Variants in INPP4B observed in about 807,000 individuals in gnomAD.
INPP4B encodes inositol polyphosphate-4-phosphatase type II B, also known as inositol polyphosphate 4-phosphatase type II.
In INPP4B, 55 loss-of-function variants were observed where a neutral mutation model predicts 122.5. The ratio of observed to expected loss-of-function variants is 0.45; its 90% CI spans 0.36 to 0.56. The LOEUF (loss-of-function observed/expected upper bound fraction) is 0.56. Among genes scored for constraint, INPP4B ranks in the 20% least tolerant of loss-of-function variants. The probability of loss-of-function intolerance (pLI) is 0.00; values close to 1 mark genes in which losing one functional copy is unlikely to be tolerated. For synonymous variants in INPP4B, 403 were observed against 388.7 expected (o/e 1.04, Z -0.43); for missense variants, 1,000 against 1,097.7 (o/e 0.91, Z 1.26).
At chr4:142,278,087 T>C (rs145808751) in intron 9 of INPP4B, among the ~76,000 whole-genome samples, 102 of 152,024 alleles carry the variant, frequency 6.7e-4, no homozygotes, top group African/African-American at 1.9e-3. Flanking sequence ...ATGGCCATCA[T>C]GATCTGCCCA....
intron 10 of INPP4B, among the ~76,000 whole-genome samples, chr4:142,268,545 T>TATCTG (rs1744148002): frequency 6.6e-6 from 1 of 151,864 alleles, no homozygotes; most frequent in African/African-American, 2.4e-5. Context: ...GCCAAAGAGA[T>TATCTG]ATCTGCACTC....
chr4:142,661,110 G>A (rs1256713172), intron 2 of INPP4B, among the ~76,000 whole-genome samples: 1 of 152,062 alleles, frequency 6.6e-6, no homozygotes, highest in Non-Finnish European at 1.5e-5. Flanking sequence ...TGTGGACCTG[G>A]GATTCAAACG....
chr4:142,348,970 T>C (rs1230584373), intron 7 of INPP4B, among the ~76,000 whole-genome samples: 1 of 151,714 alleles, frequency 6.6e-6, no homozygotes, highest in Non-Finnish European at 1.5e-5. Context: ...TGAGGAAGAG[T>C]GTTGGAGCAG....
chr4:142,093,823 T>G (rs1780640615), intron 23 of INPP4B, among the ~76,000 whole-genome samples: 1 of 152,174 alleles, frequency 6.6e-6, no homozygotes, highest in South Asian at 2.1e-4. Context: ...CTGCGTTGAA[T>G]ATTTTTGACA....
intron 23 of INPP4B, among the ~76,000 whole-genome samples, chr4:142,095,391 T>G (rs531527364): frequency 3.3e-5 from 5 of 152,172 alleles, no homozygotes; most frequent in African/African-American, 9.7e-5. Flanking sequence ...AATTTGTTAA[T>G]TGTCTTTAAT....
chr4:142,548,442 T>A (rs1727146666), intron 2 of INPP4B, among the ~76,000 whole-genome samples: 1 of 152,114 alleles, frequency 6.6e-6, no homozygotes, highest in Admixed American at 6.6e-5. Flanking sequence ...ATATATAAAT[T>A]CCTAGAAGAG....
intron 25 of INPP4B, among the ~76,000 whole-genome samples, chr4:142,038,786 C>T (rs965354759): frequency 1.7e-4 from 26 of 152,120 alleles, no homozygotes; most frequent in African/African-American, 5.6e-4. Flanking sequence ...TGGAAAGGAG[C>T]GCAAGTGTGT....
chr4:142,555,075 C>T (rs1728852937), intron 2 of INPP4B, among the ~76,000 whole-genome samples: 2 of 152,138 alleles, frequency 1.3e-5, no homozygotes, highest in Admixed American at 1.3e-4. Context: ...TGAGGAGAAT[C>T]CAACACATCC....
At chr4:142,487,064 T>A (rs1009089825) in intron 2 of INPP4B, among the ~76,000 whole-genome samples, 2 of 152,020 alleles carry the variant, frequency 1.3e-5, no homozygotes, top group Non-Finnish European at 2.9e-5. Context: ...CGGGGGTGGG[T>A]CTTTCCTGTG....
At chr4:142,200,114 T>G (rs1463059447) in intron 14 of INPP4B, among the ~76,000 whole-genome samples, 1 of 152,042 alleles carries the variant, frequency 6.6e-6, no homozygotes, top group African/African-American at 2.4e-5. Flanking sequence ...CATTTACTTA[T>G]TCAGTCATCT....
chr4:142,123,219 C>T, intron 20 of INPP4B, 73 bp downstream of exon 20: 1 of 1,272,190 alleles, frequency 7.9e-7, no homozygotes, highest in East Asian at 2.6e-5. Flanking sequence ...TTTATGTTTT[C>T]TTGAAAAATT....
intron 2 of INPP4B, among the ~76,000 whole-genome samples, chr4:142,647,197 T>A (rs1751965525): frequency 6.6e-6 from 1 of 152,142 alleles, no homozygotes; most frequent in Non-Finnish European, 1.5e-5. Flanking sequence ...GCTGAAGCAG[T>A]TGACCATATT....
chr4:142,441,122 G>A (rs116022486), intron 3 of INPP4B, among the ~76,000 whole-genome samples: 2,518 of 152,254 alleles, frequency 0.017, 70 homozygotes, highest in African/African-American at 0.058. Flanking sequence ...ACTTAAGCAA[G>A]AGAGTGACAT....
At chr4:142,167,717 T>A (rs2152929762) in intron 16 of INPP4B, among the ~76,000 whole-genome samples, 1 of 151,818 alleles carries the variant, frequency 6.6e-6, no homozygotes, top group Non-Finnish European at 1.5e-5. Flanking sequence ...AATACATTGG[T>A]ATTATTTTTA....
At chr4:142,029,101 T>C (rs1738126982) in intron 25 of INPP4B, 187 bp from the exon 26 acceptor site, 5 of 1,330,826 alleles carry the variant, frequency 3.8e-6, no homozygotes, top group Non-Finnish European at 4.8e-6. Flanking sequence ...AATACCATTA[T>C]TGCCCTCTGA....
At chr4:142,084,578 A>G (rs1775813924) in intron 24 of INPP4B, among the ~76,000 whole-genome samples, 1 of 152,212 alleles carries the variant, frequency 6.6e-6, no homozygotes, top group Non-Finnish European at 1.5e-5. Context: ...AGTATCATAA[A>G]TAGGCCCATG....
At chr4:142,062,606 C>A (rs767654545) in intron 25 of INPP4B, among the ~76,000 whole-genome samples, 2 of 151,722 alleles carry the variant, frequency 1.3e-5, no homozygotes, top group African/African-American at 2.4e-5. Flanking sequence ...CATGGCGGTG[C>A]GCACCTGTAG....
chr4:142,630,968 G>T (rs553953285), intron 2 of INPP4B, among the ~76,000 whole-genome samples: 1 of 152,232 alleles, frequency 6.6e-6, no homozygotes, highest in Admixed American at 6.6e-5. Context: ...GTGACCAGGT[G>T]CCTGGCAGGA....
chr4:142,772,188 G>T (rs937663579), intron 1 of INPP4B, among the ~76,000 whole-genome samples: 1 of 152,050 alleles, frequency 6.6e-6, no homozygotes, highest in Non-Finnish European at 1.5e-5. Context: ...TCTTAATAAG[G>T]CCCCGAAATG....
Sources: gnomAD v4.1 joint callset for allele counts (sites outside exome capture counted in the v4.1 genomes callset) on GRCh38, gnomAD v4.1.1 for gene constraint, MANE v1.5 for transcripts, NCBI Gene and HGNC (gene_info 2026-07-23, HGNC 2026-07-21) for gene names.